TAOK1: variants seen among roughly 807,000 people sequenced by gnomAD.
TAOK1 encodes TAO kinase 1, also known as serine/threonine-protein kinase TAO1.
A neutral mutation model predicts 138.3 loss-of-function variants in TAOK1; 21 were observed. The ratio of observed to expected loss-of-function variants is 0.15; its 90% confidence interval spans 0.11 to 0.22. The LOEUF (loss-of-function observed/expected upper bound fraction) is 0.22. Among genes scored for constraint, TAOK1 ranks in the 10% least tolerant of loss-of-function variants. The probability of loss-of-function intolerance (pLI) is 1.00; values close to 1 mark genes in which losing one functional copy is unlikely to be tolerated. For missense variants in TAOK1, 651 were observed against 1,227.7 expected, an observed-to-expected ratio of 0.53 and a Z score of 7.02; for synonymous variants, 361 against 398.4, an observed-to-expected ratio of 0.91 and a Z score of 1.12.
At chr17:29,394,384 C>G (rs1233981819) in intron 1 of TAOK1, among the ~76,000 whole-genome samples, 4 of 151,724 alleles carry the variant, frequency 2.6e-5, no homozygotes, top group Non-Finnish European at 5.9e-5. Flanking sequence ...CCAGGATGGT[C>G]TCGATCTCCT....
chr17:29,442,406 C>A (rs2029968759), intron 1 of TAOK1, among the ~76,000 whole-genome samples: 1 of 146,080 alleles, frequency 6.8e-6, no homozygotes, highest in Non-Finnish European at 1.5e-5. Flanking sequence ...TTTTTTTTAA[C>A]ATTTTCTATT....
intron 1 of TAOK1, among the ~76,000 whole-genome samples, chr17:29,413,881 CTTTTTTTTTTTTT>C (rs34539579): frequency 9.9e-6 from 1 of 101,250 alleles, no homozygotes; most frequent in Non-Finnish European, 1.9e-5. Flanking sequence ...TTTCTGGCTT[CTTTTTTTTTTTTT>C]TTTTTTTTGA....
chr17:29,412,101 TG>T (rs1382010841), intron 1 of TAOK1, among the ~76,000 whole-genome samples: 1 of 151,828 alleles, frequency 6.6e-6, no homozygotes, highest in African/African-American at 2.4e-5. Flanking sequence ...GGAGTGCTGT[TG>T]TGCAATCTCA....
chr17:29,542,399 T>A (rs2032332884), intron 19 of TAOK1, among the ~76,000 whole-genome samples, 162 bp from the exon 20 acceptor site: 1 of 152,144 alleles, frequency 6.6e-6, no homozygotes, highest in African/African-American at 2.4e-5. Flanking sequence ...CTTTAAAAAT[T>A]TTTTAATAAA....
At chr17:29,474,479 TA>T (rs1420695747) in intron 3 of TAOK1, among the ~76,000 whole-genome samples, 1 of 152,160 alleles carries the variant, frequency 6.6e-6, no homozygotes, top group African/African-American at 2.4e-5. Flanking sequence ...CTTGAACACT[TA>T]GGGGTCACTG....
chr17:29,477,822 TC>T (rs1393623842), intron 5 of TAOK1, 116 bp downstream of exon 5: 1 of 511,702 alleles, frequency 2.0e-6, no homozygotes, highest in Non-Finnish European at 3.0e-6. Flanking sequence ...AGAGCAGAAC[TC>T]TTAGTCTTGT....
intron 1 of TAOK1, among the ~76,000 whole-genome samples, chr17:29,413,453 G>C (rs947567305): frequency 1.2e-4 from 19 of 152,080 alleles, no homozygotes; most frequent in African/African-American, 4.3e-4. Context: ...AAAATTAGCT[G>C]GGCATGGTGG....
At chr17:29,461,202 T>C (rs2030522784) in intron 2 of TAOK1, among the ~76,000 whole-genome samples, 1 of 152,216 alleles carries the variant, frequency 6.6e-6, no homozygotes. Flanking sequence ...TAAAGAGCAT[T>C]ACTCAAACGT....
At chr17:29,422,822 G>A (rs1430005467) in intron 1 of TAOK1, among the ~76,000 whole-genome samples, 2 of 152,122 alleles carry the variant, frequency 1.3e-5, no homozygotes, top group Non-Finnish European at 2.9e-5. Flanking sequence ...TCAGGAGTTC[G>A]AGACCAGCTT....
chr17:29,420,589 T>TTTG (rs899068393), intron 1 of TAOK1, among the ~76,000 whole-genome samples: 1 of 150,168 alleles, frequency 6.7e-6, no homozygotes, highest in African/African-American at 2.5e-5. Context: ...TAATCTGTTT[T>TTTG]TTTTTTTTTT....
In TAOK1 at chr17:29,451,520, A is replaced by C; in HGVS notation, c.-29A>C. 6.3e-7 allele frequency: 1 copy of C among 1,591,652 alleles called. No individual in the cohort carries two copies. The highest frequency in any genetic ancestry group is 8.5e-7 in the Non-Finnish European group (1 of 1,170,594). The stretch of plus-strand genomic sequence containing the variant: ...AGGATCGGGATAGCAGTATAAAATT[A>C]GAATCAAGACAGCTGACTGCTCAGC... On this transcript the variant is annotated 5_prime_UTR_variant, in exon 2 of 20. Coordinates refer to ENST00000261716, the MANE Select transcript of TAOK1 (RefSeq NM_020791.4).
chr17:29,408,959 C>G (rs1000622085), intron 1 of TAOK1, among the ~76,000 whole-genome samples: 12 of 151,664 alleles, frequency 7.9e-5, no homozygotes, highest in Non-Finnish European at 1.5e-4. Context: ...GCAGTCCACC[C>G]GCCTCAGCCT....
At chr17:29,431,681 C>T (rs1455541262) in intron 1 of TAOK1, among the ~76,000 whole-genome samples, 1 of 151,872 alleles carries the variant, frequency 6.6e-6, no homozygotes, top group Non-Finnish European at 1.5e-5. Context: ...CTCTTGTCAC[C>T]CAGGCTGGAG....
intron 2 of TAOK1, among the ~76,000 whole-genome samples, chr17:29,460,358 A>T (rs2030502490): frequency 6.6e-6 from 1 of 152,030 alleles, no homozygotes; most frequent in South Asian, 2.1e-4. Context: ...CACCTGGCTA[A>T]TTTTTGTATT....
At chr17:29,524,573 G>C (rs1434627393) in intron 17 of TAOK1, among the ~76,000 whole-genome samples, 1 of 152,136 alleles carries the variant, frequency 6.6e-6, no homozygotes. Flanking sequence ...GTGAGCTCAA[G>C]GTTTCCTGTT....
Position 29,542,604 on chromosome 17 carries a change from G to A in TAOK1, c.2588G>A (p.Arg863Gln), listed in dbSNP as rs759363851. The A allele has an allele frequency of 5.0e-6, 8 of 1,613,958 alleles. No homozygotes were observed. The South Asian group carries it at 7.7e-5, about 16-fold the overall frequency. The change falls in exon 20 of 20, where the codon CGA becomes CAA. Residue 863 changes from arginine (R) to glutamine (Q), a missense_variant. This residue lies in a region of TAOK1 where 258 missense variants were observed against 548.9 expected (regional missense o/e 0.47). Transcript: ENST00000261716. The stretch of plus-strand genomic sequence containing the variant: ...GCTTTGCAGAATGAGCGCACAGAAC[G>A]AATACGAAGCCTGTTGGAACGTCAA... ...MLALQNERTERIRSLLERQAR... is the reference protein window; with the variant it reads ...MLALQNERTEQIRSLLERQAR...
At chr17:29,533,145 C>T (rs2032157432) in intron 18 of TAOK1, among the ~76,000 whole-genome samples, 2 of 149,358 alleles carry the variant, frequency 1.3e-5, no homozygotes, top group South Asian at 4.3e-4. Flanking sequence ...GGCAGAGACG[C>T]TCCTCACCTC....
At position 29,507,557 on chromosome 17, in the gene TAOK1, A is replaced by G. The variant is rs182564348; in HGVS notation, c.1339-339A>G. On this transcript the variant is annotated intron_variant, in intron 13 of 19. Coordinates refer to ENST00000261716, the MANE Select transcript of TAOK1 (RefSeq NM_020791.4). ...TTCTTGGTAGAAAAATCAATTGAACATATGTGGATCTCTTTCTAGTTTTTA... is the reference window on the plus strand; with the variant it reads ...TTCTTGGTAGAAAAATCAATTGAACGTATGTGGATCTCTTTCTAGTTTTTA... Among the ~76,000 whole-genome samples the G allele has an allele frequency of 2.9e-3, 441 of 152,304 alleles. 2 individuals are homozygous for G. Among genetic ancestry groups the G allele is most frequent in the Non-Finnish European group, 9.6e-4 (65 of 68,028 alleles).
chr17:29,505,302 G>A (rs1376501336), intron 13 of TAOK1, among the ~76,000 whole-genome samples: 1 of 152,038 alleles, frequency 6.6e-6, no homozygotes, highest in Non-Finnish European at 1.5e-5. Flanking sequence ...CTATACACCT[G>A]CCTTAACCGT....
Sources: gnomAD v4.1 joint callset for allele counts (sites outside exome capture counted in the v4.1 genomes callset) on GRCh38, gnomAD v4.1.1 for gene constraint, gnomAD v4.1.1 regional missense constraint, MANE v1.5 for transcripts, NCBI Gene and HGNC (gene_info 2026-07-23, HGNC 2026-07-21) for gene names.